IL27RA: variants seen among roughly 807,000 people sequenced by gnomAD.
The protein encoded by IL27RA is interleukin-27 receptor subunit alpha.
IL27RA carries 61 observed loss-of-function variants against 80.8 expected under a neutral mutation model. The ratio of observed to expected loss-of-function variants is 0.76; its 90% CI spans 0.61 to 0.93. The LOEUF (loss-of-function observed/expected upper bound fraction) is 0.93. IL27RA is among the 40% of genes least tolerant of loss of function. The probability of loss-of-function intolerance (pLI) is 0.00; values close to 1 mark genes in which losing one functional copy is unlikely to be tolerated. For missense variants in IL27RA, 735 were observed against 808.1 expected, an observed-to-expected ratio of 0.91 and a Z score of 1.10; for synonymous variants, 316 against 332.5, an observed-to-expected ratio of 0.95 and a Z score of 0.54.
intron 2 of IL27RA, among the ~76,000 whole-genome samples, chr19:14,032,841 A>AGAAAG (rs1975842483): frequency 6.8e-6 from 1 of 146,798 alleles, no homozygotes; most frequent in Non-Finnish European, 1.5e-5. Flanking sequence ...AGAAAAGAAA[A>AGAAAG]GAAAGTCCCA....
At chr19:14,035,550 C>T (rs997837038) in intron 2 of IL27RA, among the ~76,000 whole-genome samples, 1 of 152,044 alleles carries the variant, frequency 6.6e-6, no homozygotes, top group African/African-American at 2.4e-5. Context: ...CACACGCCAC[C>T]ACGCATGGCT....
intron 2 of IL27RA, among the ~76,000 whole-genome samples, chr19:14,037,360 A>T (rs1975918353): frequency 6.6e-6 from 1 of 151,770 alleles, no homozygotes; most frequent in Admixed American, 6.6e-5. Flanking sequence ...TTTCGGGTTC[A>T]AGTGATTCTC....
At position 14,046,962 on chromosome 19, in the gene IL27RA, A is replaced by G. The variant is rs1259127085; in HGVS notation, c.1141+344A>G. ...CAGTGAGCCGAGATTGCGCCACTGCACTCTAGCCTGGGTGACAGAGTGAGA... is the reference window on the plus strand; with the variant it reads ...CAGTGAGCCGAGATTGCGCCACTGCGCTCTAGCCTGGGTGACAGAGTGAGA... On this transcript the variant is annotated intron_variant, in intron 8 of 13. Coordinates refer to ENST00000263379, the MANE Select transcript of IL27RA (RefSeq NM_004843.4). 2.0e-5 allele frequency among the ~76,000 whole-genome samples: 3 copies of G among 151,792 alleles called. No individual in the cohort carries two copies. In the East Asian group the frequency reaches 5.9e-4, roughly 30 times the overall value.
chr19:14,038,523 A>G (rs1352877810), intron 2 of IL27RA, among the ~76,000 whole-genome samples: 1 of 147,660 alleles, frequency 6.8e-6, no homozygotes, highest in African/African-American at 2.5e-5. Flanking sequence ...GGTTGCAGTG[A>G]TCTATGATCG....
At position 14,049,418 on chromosome 19, in the gene IL27RA, C is replaced by A. The variant is rs1432887539; in HGVS notation, c.1402+104C>A. Reference sequence around the variant, plus strand: ...ACGTGGGCCTCTTTGGCCCAGGGACCATACATGGTGTCCTCAATTCCCTCT... The same window carrying A: ...ACGTGGGCCTCTTTGGCCCAGGGACAATACATGGTGTCCTCAATTCCCTCT... On this transcript the variant is annotated intron_variant, in intron 10 of 13. Coordinates refer to ENST00000263379, the MANE Select transcript of IL27RA (RefSeq NM_004843.4). The A allele has an allele frequency of 4.2e-6, 5 of 1,197,064 alleles. No individual in the cohort carries two copies. In the African/African-American group the frequency reaches 7.7e-5, roughly 18 times the overall value. 74.2% of individuals were successfully genotyped at this position (1,197,064 alleles called of 1,614,324 possible).
chr19:14,045,429 G>A (rs946909557), intron 6 of IL27RA, among the ~76,000 whole-genome samples: 19 of 150,210 alleles, frequency 1.3e-4, no homozygotes, highest in African/African-American at 4.4e-4. Context: ...GTGAAACCCC[G>A]TCTCTACTAA....
intron 10 of IL27RA, among the ~76,000 whole-genome samples, 197 bp downstream of exon 10, chr19:14,049,511 A>G (rs1976126911): frequency 6.6e-6 from 1 of 152,072 alleles, no homozygotes; most frequent in Non-Finnish European, 1.5e-5. Context: ...ATTTATTGAC[A>G]TTGAAAGATG....
intron 4 of IL27RA, among the ~76,000 whole-genome samples, chr19:14,041,364 A>C (rs1975987001): frequency 6.7e-6 from 1 of 149,380 alleles, no homozygotes. Flanking sequence ...TGCCCAGCTA[A>C]GTTTTTGTAT....
Position 14,047,883 on chromosome 19 carries a change from C to T in IL27RA, c.1142-1098C>T, listed in dbSNP as rs191159285. Reference sequence around the variant, plus strand: ...TTCACCATATTAGCCAGGATGGTCTCGATCTCTTGACCTCGTGATCTGCCC... The same window carrying T: ...TTCACCATATTAGCCAGGATGGTCTTGATCTCTTGACCTCGTGATCTGCCC... On this transcript the variant is annotated intron_variant, in intron 8 of 13. Transcript: ENST00000263379. Among the ~76,000 whole-genome samples, 200 of 149,774 alleles carry T rather than the reference C, an allele frequency of 1.3e-3. 1 individual carries two copies. Among genetic ancestry groups the T allele is most frequent in the African/African-American group, 4.5e-3 (184 of 40,606 alleles).
chr19:14,049,133 T>C, intron 9 of IL27RA, 23 bp from the exon 10 acceptor site: 1 of 1,613,068 alleles, frequency 6.2e-7, no homozygotes, highest in Non-Finnish European at 8.5e-7. Flanking sequence ...AGGCCGACCT[T>C]GACCTACTGC....
intron 6 of IL27RA, 116 bp downstream of exon 6, chr19:14,042,905 G>T: frequency 1.1e-6 from 1 of 922,802 alleles, no homozygotes. Context: ...GCTGTGGGAG[G>T]CCGAGGAGGG....
At chr19:14,038,659 C>A (rs1277673970) in intron 2 of IL27RA, among the ~76,000 whole-genome samples, 1 of 149,978 alleles carries the variant, frequency 6.7e-6, no homozygotes, top group African/African-American at 2.5e-5. Context: ...CCGAGACAGG[C>A]GGATCACCTG....
At chr19:14,043,619 T>A (rs1432027728) in intron 6 of IL27RA, among the ~76,000 whole-genome samples, 1 of 146,874 alleles carries the variant, frequency 6.8e-6, no homozygotes, top group African/African-American at 2.5e-5. Flanking sequence ...GAGATGGGGG[T>A]TTCACCATCT....
In IL27RA at chr19:14,050,791, AC is replaced by A; in HGVS notation, c.1438del (p.Leu480PhefsTer10). Reference protein sequence around the residue: ...SGNTQSVTLPDLPWGPCELWV... With the variant: ...SGNTQSVTLPXLPWGPCELWV... The stretch of plus-strand genomic sequence containing the variant: ...AACACACAGAGTGTCACCCTGCCTG[AC>A]CTTCCTTGGGGTCCCTGTGAGCTGT... On this transcript the variant is annotated frameshift_variant, in exon 11 of 14. Coordinates refer to ENST00000263379, the MANE Select transcript of IL27RA (RefSeq NM_004843.4). LOFTEE classifies it high-confidence loss of function. The A allele has an allele frequency of 6.2e-7, 1 of 1,613,378 alleles. No individual in the cohort carries two copies. Among genetic ancestry groups the A allele is most frequent in the Non-Finnish European group, 8.5e-7 (1 of 1,179,516 alleles).
Position 14,051,592 on chromosome 19 carries a change from T to C in IL27RA, c.1529-15T>C. ...AAATAAAAAATTAAGAATGATCTCT[T>C]CCCTACCCTACCAGATAACACCCTG... is the stretch of plus-strand genomic sequence containing the variant. On this transcript the variant is annotated splice_polypyrimidine_tract_variant and intron_variant, in intron 11 of 13. Coordinates refer to ENST00000263379, the MANE Select transcript of IL27RA (RefSeq NM_004843.4). The C allele has an allele frequency of 6.9e-7, 1 of 1,452,982 alleles. No individual in the cohort carries two copies. Among genetic ancestry groups the C allele is most frequent in the Non-Finnish European group, 9.5e-7 (1 of 1,053,068 alleles). The allele number at this position is 1,452,982 out of a possible 1,614,324, so 90.0% of individuals were successfully genotyped here. A position where few individuals can be genotyped will look rare whatever the true frequency, so the allele number is the denominator to read the frequency against.
intron 2 of IL27RA, among the ~76,000 whole-genome samples, chr19:14,035,648 G>A (rs1448000280): frequency 6.7e-6 from 1 of 149,816 alleles, no homozygotes; most frequent in Non-Finnish European, 1.5e-5. Flanking sequence ...ACCCACCTGG[G>A]CCTCCCAAAG....
In IL27RA at chr19:14,039,922, G is replaced by A. The variant is rs1177014232; in HGVS notation, c.534+12G>A. ...CGGCCTGGACCCTGGTGAGTGCTGGGGTCCTTTTCTCCCCACCCTATTCCG... is the reference window on the plus strand; with the variant it reads ...CGGCCTGGACCCTGGTGAGTGCTGGAGTCCTTTTCTCCCCACCCTATTCCG... On this transcript the variant is annotated intron_variant, in intron 4 of 13. Transcript: ENST00000263379. 1.4e-5 allele frequency: 23 copies of A among 1,612,892 alleles called. No homozygotes were observed. The highest frequency in any genetic ancestry group is 1.9e-5 in the Non-Finnish European group (22 of 1,179,440).
Position 14,042,435 on chromosome 19 carries a change from C to G in IL27RA, c.535-18C>G. On this transcript the variant is annotated intron_variant, in intron 4 of 13. Coordinates refer to ENST00000263379, the MANE Select transcript of IL27RA (RefSeq NM_004843.4). ...ACTCAGGCCCTGGGCCCATCACGCTCGCCTGTCTCTCCCCCAGCTGGAACC... is the reference window on the plus strand; with the variant it reads ...ACTCAGGCCCTGGGCCCATCACGCTGGCCTGTCTCTCCCCCAGCTGGAACC... 2.5e-6 allele frequency: 4 copies of G among 1,611,542 alleles called. No individual in the cohort carries two copies. The highest frequency in any genetic ancestry group is 3.4e-6 in the Non-Finnish European group (4 of 1,178,366).
chr19:14,047,819 A>AT (rs1976091763), intron 8 of IL27RA, among the ~76,000 whole-genome samples: 1 of 130,608 alleles, frequency 7.7e-6, no homozygotes, highest in African/African-American at 3.3e-5. Flanking sequence ...ACGCCCGGCT[A>AT]ATTTTTTTTT....
Sources: gnomAD v4.1 joint callset for allele counts (sites outside exome capture counted in the v4.1 genomes callset) on GRCh38, gnomAD v4.1.1 for gene constraint, MANE v1.5 for transcripts, NCBI Gene and HGNC (gene_info 2026-07-23, HGNC 2026-07-21) for gene names.